The following DISP1 variants were observed in gnomAD, a reference collection of about 807,000 sequenced individuals.
The protein encoded by DISP1 is protein dispatched homolog 1.
A neutral mutation model predicts 37.3 loss-of-function variants in DISP1; 30 were observed. The ratio of observed to expected loss-of-function variants is 0.80; its 90% CI spans 0.60 to 1.09. DISP1 has a LOEUF of 1.09. Among genes scored for constraint, DISP1 ranks in the 50% least tolerant of loss-of-function variants. The pLI is 0.00. For missense variants in DISP1, 1,598 were observed against 1,879.5 expected (o/e 0.85, Z 2.77); for synonymous variants, 634 against 690.2 (o/e 0.92, Z 1.28).
At chr1:222,947,172 A>G (rs1268898974) in intron 3 of DISP1, among the ~76,000 whole-genome samples, 1 of 152,166 alleles carries the variant, frequency 6.6e-6, no homozygotes, top group Non-Finnish European at 1.5e-5. Context: ...ACTAAATTAT[A>G]ACTCTGCCTG....
chr1:222,886,747 A>C lies in DISP1; in HGVS notation c.-158-41683A>C, dbSNP rs151122899. On this transcript the variant is annotated intron_variant, in intron 1 of 8. Coordinates refer to ENST00000675850, the MANE Select transcript of DISP1 (RefSeq NM_001377229.1). ...AGGCAATCTTTACTTACATAGGGCC[A>C]ATGAGTTGACCTAGGAAGCCTAGAA... is the stretch of plus-strand genomic sequence containing the variant. Among the ~76,000 whole-genome samples the C allele has an allele frequency of 3.0e-3, 456 of 152,384 alleles. 1 individual carries two copies. The highest frequency in any genetic ancestry group is 9.8e-3 in the African/African-American group (409 of 41,592).
At chr1:222,970,489 C>T (rs1274043540) in intron 3 of DISP1, among the ~76,000 whole-genome samples, 2 of 152,158 alleles carry the variant, frequency 1.3e-5, no homozygotes, top group Non-Finnish European at 2.9e-5. Context: ...AATATTTTAA[C>T]ATCAAATTTT....
intron 3 of DISP1, among the ~76,000 whole-genome samples, chr1:222,973,920 C>CT (rs1309022304): frequency 6.6e-6 from 1 of 152,154 alleles, no homozygotes; most frequent in Admixed American, 6.5e-5. Flanking sequence ...CCCTTTTCTC[C>CT]TTTGTTTCAT....
chr1:222,860,386 A>G (rs1331293850), intron 1 of DISP1, among the ~76,000 whole-genome samples: 1 of 152,210 alleles, frequency 6.6e-6, no homozygotes, highest in Non-Finnish European at 1.5e-5. Context: ...ACTTGGGAAT[A>G]ATATTTAGAT....
At position 222,942,946 on chromosome 1, in the gene DISP1, AC is replaced by A. The variant is rs1558345098; in HGVS notation, c.126del (p.Glu44LysfsTer7). 1 of 1,614,176 alleles carries A rather than the reference AC, an allele frequency of 6.2e-7. No homozygotes were observed. Among genetic ancestry groups the A allele is most frequent in the African/African-American group, 1.3e-5 (1 of 75,046 alleles). On this transcript the variant is annotated frameshift_variant, in exon 3 of 9. Coordinates refer to ENST00000675850, the MANE Select transcript of DISP1 (RefSeq NM_001377229.1). LOFTEE classifies it high-confidence loss of function. The part of the protein sequence containing the change: ...DGDHAAQQLT[P>X]KEATRTKVSP... ...GAGACCATGCAGCCCAGCAGCTCACACCCAAAGAAGCAACAAGAACAAAAGT... is the reference window on the plus strand; with the variant it reads ...GAGACCATGCAGCCCAGCAGCTCACACCAAAGAAGCAACAAGAACAAAAGT...
chr1:222,896,933 T>C (rs1329495212), intron 1 of DISP1, among the ~76,000 whole-genome samples: 2 of 152,134 alleles, frequency 1.3e-5, no homozygotes, highest in Non-Finnish European at 2.9e-5. Context: ...AAGTGTGAAA[T>C]GGCAAAACCA....
chr1:222,944,208 T>C (rs902250247), intron 3 of DISP1, among the ~76,000 whole-genome samples: 3 of 152,222 alleles, frequency 2.0e-5, no homozygotes, highest in Admixed American at 2.0e-4. Flanking sequence ...CACGGGACTT[T>C]TAAAAATATT....
chr1:222,977,573 T>C lies in DISP1; in HGVS notation c.510-5507T>C, dbSNP rs975137466. Among the ~76,000 whole-genome samples, 40 of 150,758 alleles carry C rather than the reference T, an allele frequency of 2.7e-4. 1 individual carries two copies. The highest frequency in any genetic ancestry group is 4.4e-5 in the Non-Finnish European group (3 of 67,828). On this transcript the variant is annotated intron_variant, in intron 3 of 8. Coordinates refer to ENST00000675850, the MANE Select transcript of DISP1 (RefSeq NM_001377229.1). Reference sequence around the variant, plus strand: ...TATTATACTTTAAGTCTTAGGTATATGTGCACAACGTGCAGGTTAGTTACA... The same window carrying C: ...TATTATACTTTAAGTCTTAGGTATACGTGCACAACGTGCAGGTTAGTTACA...
At chr1:222,976,968 C>A (rs1677378686) in intron 3 of DISP1, among the ~76,000 whole-genome samples, 1 of 152,236 alleles carries the variant, frequency 6.6e-6, no homozygotes, top group Admixed American at 6.5e-5. Flanking sequence ...CACTGCCTTA[C>A]TCTCTGGAAA....
At chr1:222,849,702 G>A (rs1397186669) in intron 1 of DISP1, among the ~76,000 whole-genome samples, 2 of 152,018 alleles carry the variant, frequency 1.3e-5, no homozygotes, top group African/African-American at 2.4e-5. Flanking sequence ...ATATTCTAAT[G>A]TACATGAAGT....
intron 1 of DISP1, among the ~76,000 whole-genome samples, chr1:222,856,079 T>A (rs189343650): frequency 6.6e-6 from 1 of 152,354 alleles, no homozygotes; most frequent in African/African-American, 2.4e-5. Context: ...CATTTATTTT[T>A]TATCGAGTTC....
At position 222,899,620 on chromosome 1, in the gene DISP1, C is replaced by T. The variant is rs1007352035; in HGVS notation, c.-158-28810C>T. The stretch of plus-strand genomic sequence containing the variant: ...AAGAGATGATATCTTGTGCTGTTGT[C>T]TAGGCTGTAGTGCAGTGGCATGATC... On this transcript the variant is annotated intron_variant, in intron 1 of 8. Coordinates refer to ENST00000675850, the MANE Select transcript of DISP1 (RefSeq NM_001377229.1). Among the ~76,000 whole-genome samples, 4 of 152,012 alleles carry T rather than the reference C, an allele frequency of 2.6e-5. No homozygotes were observed. In the East Asian group the frequency reaches 5.8e-4, roughly 22 times the overall value.
chr1:222,844,063 AT>A (rs1410993167), intron 1 of DISP1, among the ~76,000 whole-genome samples: 1 of 136,186 alleles, frequency 7.3e-6, no homozygotes, highest in African/African-American at 2.6e-5. Flanking sequence ...CAGTCTTTGT[AT>A]TTTTAAAACA....
intron 1 of DISP1, among the ~76,000 whole-genome samples, chr1:222,864,400 T>C (rs1276700049): frequency 1.3e-5 from 2 of 152,206 alleles, no homozygotes; most frequent in Non-Finnish European, 2.9e-5. Flanking sequence ...AATAAAACTT[T>C]CTTGAGTAAA....
At chr1:222,906,132 C>T (rs1370700451) in intron 1 of DISP1, among the ~76,000 whole-genome samples, 1 of 152,038 alleles carries the variant, frequency 6.6e-6, no homozygotes, top group African/African-American at 2.4e-5. Context: ...TAAAAACCTG[C>T]CACTTGAGAG....
intron 1 of DISP1, among the ~76,000 whole-genome samples, chr1:222,898,686 G>A (rs191193619): frequency 1.2e-3 from 183 of 151,920 alleles, no homozygotes; most frequent in African/African-American, 4.1e-3. Context: ...GATGCCTAAT[G>A]GTTTAAAACA....
chr1:222,871,924 T>G (rs1163675495), intron 1 of DISP1, among the ~76,000 whole-genome samples: 1 of 152,162 alleles, frequency 6.6e-6, no homozygotes, highest in Non-Finnish European at 1.5e-5. Flanking sequence ...GGCTGTGGGT[T>G]TGTCATAGAT....
At chr1:222,836,538 G>T (rs61839596) in intron 1 of DISP1, among the ~76,000 whole-genome samples, 121,181 of 151,910 alleles carry the variant, frequency 0.8, 48,836 homozygotes, top group African/African-American at 0.92. Flanking sequence ...TACTTGCCCT[G>T]TTTTTCAGTA....
At chr1:222,878,895 TGA>T (rs1670120431) in intron 1 of DISP1, among the ~76,000 whole-genome samples, 1 of 152,160 alleles carries the variant, frequency 6.6e-6, no homozygotes, top group Non-Finnish European at 1.5e-5. Flanking sequence ...TCAGTAAACC[TGA>T]GGTCTGCTCT....
Sources: allele counts gnomAD v4.1 joint callset (sites outside exome capture counted in the v4.1 genomes callset), GRCh38; gene constraint gnomAD v4.1.1; transcripts MANE v1.5; gene names NCBI Gene and HGNC (gene_info 2026-07-23, HGNC 2026-07-21).